Variants in NFIB observed in about 807,000 individuals in gnomAD.
The protein encoded by NFIB is nuclear factor I B.
In NFIB, 11 loss-of-function variants were observed where a neutral mutation model predicts 61.5. That is an observed-to-expected ratio of 0.18 (90% CI 0.11 to 0.30). The LOEUF is 0.30. NFIB is among the 10% of genes least tolerant of loss of function. NFIB has a pLI of 1.00. For missense variants in NFIB, 471 were observed against 608.9 expected (o/e 0.77, Z 2.38); for synonymous variants, 260 against 216.5 (o/e 1.20, Z -1.76).
intron 2 of NFIB, among the ~76,000 whole-genome samples, chr9:14,237,758 A>G (rs535063529): frequency 1.5e-5 from 2 of 137,920 alleles, no homozygotes; most frequent in Admixed American, 1.5e-4. Flanking sequence ...CCTGCTAGGT[A>G]TAACAGTGTG....
intron 1 of NFIB, among the ~76,000 whole-genome samples, chr9:14,331,800 T>C (rs1275023097): frequency 6.6e-6 from 1 of 152,000 alleles, no homozygotes; most frequent in Admixed American, 6.6e-5. Flanking sequence ...AGTGTGGTTG[T>C]TTGGGGATCA....
intron 2 of NFIB, among the ~76,000 whole-genome samples, chr9:14,197,483 T>C (rs1390816173): frequency 6.6e-6 from 1 of 152,218 alleles, no homozygotes; most frequent in African/African-American, 2.4e-5. Context: ...CCCTCCGATA[T>C]AGAAAAGAAA....
the NFIB span, among the ~76,000 whole-genome samples, chr9:14,470,128 C>T: frequency 6.6e-6 from 1 of 152,188 alleles, no homozygotes; most frequent in Non-Finnish European, 1.5e-5. Flanking sequence ...CATTGATATT[C>T]ACCCTATGGG....
chr9:14,097,555 A>T (rs558952521), intron 10 of NFIB, among the ~76,000 whole-genome samples: 7 of 152,176 alleles, frequency 4.6e-5, no homozygotes, highest in Non-Finnish European at 1.0e-4. Context: ...TTAACTCTTT[A>T]TATTACCTAA....
At chr9:14,102,142 A>G (rs1002835556) in intron 10 of NFIB, among the ~76,000 whole-genome samples, 1 of 152,134 alleles carries the variant, frequency 6.6e-6, no homozygotes, top group African/African-American at 2.4e-5. Context: ...TCTAAATGTC[A>G]CATTCCACCC....
intron 2 of NFIB, among the ~76,000 whole-genome samples, chr9:14,263,531 A>G (rs1056156575): frequency 6.6e-6 from 1 of 152,216 alleles, no homozygotes; most frequent in African/African-American, 2.4e-5. Flanking sequence ...GAGAGAGTTC[A>G]AGTGCAGCTT....
chr9:14,262,586 G>C (rs1225232969), intron 2 of NFIB, among the ~76,000 whole-genome samples: 2 of 152,126 alleles, frequency 1.3e-5, no homozygotes, highest in East Asian at 3.8e-4. Context: ...AAAAGGGTTA[G>C]AATTGAGACA....
intron 2 of NFIB, among the ~76,000 whole-genome samples, chr9:14,197,591 G>A (rs555342672): frequency 6.6e-6 from 1 of 152,290 alleles, no homozygotes; most frequent in East Asian, 1.9e-4. Flanking sequence ...AGTTCAAGGG[G>A]AGGCAAAAAG....
At chr9:14,302,748 C>T (rs2059815815) in intron 2 of NFIB, among the ~76,000 whole-genome samples, 1 of 151,704 alleles carries the variant, frequency 6.6e-6, no homozygotes. Flanking sequence ...CCCCCCGACT[C>T]CCACCACCAC....
chr9:14,425,007 G>A, the NFIB span, among the ~76,000 whole-genome samples: 2 of 152,194 alleles, frequency 1.3e-5, no homozygotes, highest in African/African-American at 4.8e-5. Flanking sequence ...CTAGAGACAA[G>A]GAAGGAGTAG....
rs544736574 is a variant in NFIB, at chr9:14,167,410, C to G, written c.617-11517G>C. ...ATACATAGCATGGTGGTACGCGCCT[C>G]TAGTGCCAGCTGCTCAGGAGGCTGA... On this transcript the variant is annotated intron_variant, in intron 3 of 10. Coordinates refer to ENST00000380953, the MANE Select transcript of NFIB (RefSeq NM_001190737.2). 3.9e-5 allele frequency among the ~76,000 whole-genome samples: 6 copies of G among 152,104 alleles called. No individual in the cohort carries two copies. In the South Asian group the frequency reaches 8.3e-4, roughly 21 times the overall value.
At chr9:14,222,935 G>C (rs1180484310) in intron 2 of NFIB, among the ~76,000 whole-genome samples, 1 of 151,964 alleles carries the variant, frequency 6.6e-6, no homozygotes, top group Non-Finnish European at 1.5e-5. Context: ...GACATTACCT[G>C]GAATTCTATC....
intron 6 of NFIB, among the ~76,000 whole-genome samples, chr9:14,139,977 A>T (rs1277395786): frequency 6.6e-6 from 1 of 152,232 alleles, no homozygotes; most frequent in Non-Finnish European, 1.5e-5. Context: ...TTCCATAATA[A>T]GAAGCTAAAC....
At chr9:14,231,634 C>A (rs1334568588) in intron 2 of NFIB, among the ~76,000 whole-genome samples, 1 of 152,090 alleles carries the variant, frequency 6.6e-6, no homozygotes, top group East Asian at 1.9e-4. Context: ...TTCTACCTTG[C>A]TGGTATGATT....
chr9:14,203,831 A>G (rs1378820700), intron 2 of NFIB, among the ~76,000 whole-genome samples: 1 of 152,234 alleles, frequency 6.6e-6, no homozygotes, highest in Non-Finnish European at 1.5e-5. Flanking sequence ...AAATGGTGAC[A>G]AGGGGTCTTT....
At chr9:14,228,893 G>C (rs186521307) in intron 2 of NFIB, among the ~76,000 whole-genome samples, 50 of 152,156 alleles carry the variant, frequency 3.3e-4, no homozygotes, top group African/African-American at 1.1e-3. Flanking sequence ...CACATAAAAA[G>C]ATCTTATCTT....
At chr9:14,371,916 T>C (rs1433644872) in intron 1 of NFIB, among the ~76,000 whole-genome samples, 1 of 152,338 alleles carries the variant, frequency 6.6e-6, no homozygotes, top group African/African-American at 2.4e-5. Flanking sequence ...GAATGGACAC[T>C]GACTTTTGTG....
At chr9:14,155,202 C>G (rs2043266112) in intron 4 of NFIB, among the ~76,000 whole-genome samples, 1 of 152,132 alleles carries the variant, frequency 6.6e-6, no homozygotes, top group Admixed American at 6.5e-5. Flanking sequence ...AAGAGTTAAT[C>G]AAGGTAACGT....
upstream of NFIB, among the ~76,000 whole-genome samples, chr9:14,399,537 T>C (rs949953672): frequency 9.9e-5 from 15 of 152,156 alleles, no homozygotes; most frequent in African/African-American, 3.6e-4. Context: ...AAATTACAAA[T>C]ACCTACCCTT....
Sources: allele counts gnomAD v4.1 joint callset (sites outside exome capture counted in the v4.1 genomes callset), GRCh38; gene constraint gnomAD v4.1.1; transcripts MANE v1.5; gene names NCBI Gene and HGNC (gene_info 2026-07-23, HGNC 2026-07-21).